Variants in CTBS observed in about 807,000 individuals in gnomAD.
CTBS encodes the protein chitobiase.
CTBS carries 35 observed loss-of-function variants against 44.3 expected under a neutral mutation model. The observed-to-expected ratio is 0.79, with a 90% CI of 0.60 to 1.05. The LOEUF (loss-of-function observed/expected upper bound fraction) is 1.05. Among genes scored for constraint, CTBS ranks in the 50% least tolerant of loss-of-function variants. The probability of loss-of-function intolerance (pLI) is 0.00; values close to 1 mark genes in which losing one functional copy is unlikely to be tolerated. For synonymous variants in CTBS, 143 were observed against 168.0 expected, an observed-to-expected ratio of 0.85 and a Z score of 1.15; for missense variants, 458 against 475.3, an observed-to-expected ratio of 0.96 and a Z score of 0.34.
intron 6 of CTBS, among the ~76,000 whole-genome samples, chr1:84,560,888 G>T (rs997501567): frequency 1.1e-4 from 16 of 152,268 alleles, no homozygotes; most frequent in African/African-American, 3.6e-4. Flanking sequence ...AAAAAAAAGA[G>T]ATTTCTTTCA....
chr1:84,574,351 AG>A lies in CTBS; in HGVS notation c.64del (p.Leu22Ter). ...CAGCGCCAGCAGCGCCAGCAGCGCT[AG>A]ACCCGGGACGCCGCTCGGCGGGCTA... ...VSSPPSGVPG[L>X]ALLALLALLA... On this transcript the variant is annotated frameshift_variant, in exon 1 of 7. Coordinates refer to ENST00000370630, the MANE Select transcript of CTBS (RefSeq NM_004388.3). LOFTEE classifies it high-confidence loss of function. 1 of 1,553,984 alleles carries A rather than the reference AG, an allele frequency of 6.4e-7. No homozygotes were observed. The highest frequency in any genetic ancestry group is 8.7e-7 in the Non-Finnish European group (1 of 1,148,556).
chr1:84,554,445 A>G lies in CTBS; in HGVS notation c.*554T>C, dbSNP rs1051920751. On this transcript the variant is annotated 3_prime_UTR_variant, in exon 7 of 7. Transcript: ENST00000370630. ...ACTCACTGTCCAAAGATTTAGTTCA[A>G]GTACCTCAGAGAACATAAATACTAT... is the stretch of plus-strand genomic sequence containing the variant. The G allele has an allele frequency of 6.6e-6, 1 of 152,308 alleles. No homozygotes were observed. The highest frequency in any genetic ancestry group is 1.5e-5 in the Non-Finnish European group (1 of 68,126). The allele number at this position is 152,308 out of a possible 1,614,324, so 9.4% of individuals were successfully genotyped here. A position where few individuals can be genotyped will look rare whatever the true frequency, so the allele number is the denominator to read the frequency against.
At chr1:84,555,294 G>A (rs763240764) in intron 6 of CTBS, 95 bp from the exon 7 acceptor site, 312 of 964,752 alleles carry the variant, frequency 3.2e-4, no homozygotes, top group Non-Finnish European at 4.2e-4. Flanking sequence ...AGTACAGTAA[G>A]AGGGAAAAAA....
At chr1:84,559,127 CTA>C (rs1206258487) in intron 6 of CTBS, among the ~76,000 whole-genome samples, 1 of 152,164 alleles carries the variant, frequency 6.6e-6, no homozygotes, top group African/African-American at 2.4e-5. Flanking sequence ...TATGGCAACT[CTA>C]TTGAACAAGT....
At position 84,550,676 on chromosome 1, in the gene CTBS, T is replaced by C. The variant is rs1337258332; in HGVS notation, c.*4323A>G. ...TTACCTTAACAGTAAAGAGCATAGG[T>C]GAAAAAAAAAATGCAGGAAGAAAAA... On this transcript the variant is annotated 3_prime_UTR_variant, in exon 7 of 7. Coordinates refer to ENST00000370630, the MANE Select transcript of CTBS (RefSeq NM_004388.3). 2 of 1,203,006 alleles carry C rather than the reference T, an allele frequency of 1.7e-6. No individual in the cohort carries two copies. The highest frequency in any genetic ancestry group is 2.1e-6 in the Non-Finnish European group (2 of 960,248). 74.5% of individuals were successfully genotyped at this position (1,203,006 alleles called of 1,614,324 possible). A position where few individuals can be genotyped will look rare whatever the true frequency, so the allele number is the denominator to read the frequency against.
At chr1:84,562,302 C>T (rs116201722) in intron 6 of CTBS, among the ~76,000 whole-genome samples, 1 of 152,170 alleles carries the variant, frequency 6.6e-6, no homozygotes, top group Non-Finnish European at 1.5e-5. Context: ...AATATAAACA[C>T]TGTTTAGGAA....
chr1:84,569,807 G>A (rs1647244191), intron 3 of CTBS, 124 bp downstream of exon 3: 1 of 926,104 alleles, frequency 1.1e-6, no homozygotes, highest in East Asian at 2.7e-5. Context: ...AATTTTTTAG[G>A]AAATAAGTGC....
At chr1:84,569,582 C>A (rs1251193121) in intron 3 of CTBS, among the ~76,000 whole-genome samples, 2 of 152,148 alleles carry the variant, frequency 1.3e-5, no homozygotes, top group Non-Finnish European at 2.9e-5. Flanking sequence ...GATACACTTC[C>A]CCAGAACTAC....
rs1161974604 is a variant in CTBS, at chr1:84,552,168, T to C, written c.*2831A>G. 2 of 152,186 alleles carry C rather than the reference T, an allele frequency of 1.3e-5. No individual in the cohort carries two copies. Among genetic ancestry groups the C allele is most frequent in the Non-Finnish European group, 2.9e-5 (2 of 68,030 alleles). 9.4% of individuals were successfully genotyped at this position (152,186 alleles called of 1,614,324 possible). Reference sequence around the variant, plus strand: ...ATGATCTCCCCAAAACAGCACTACCTATAAGATTCAGAACTAAGGGACAAA... The same window carrying C: ...ATGATCTCCCCAAAACAGCACTACCCATAAGATTCAGAACTAAGGGACAAA... On this transcript the variant is annotated 3_prime_UTR_variant, in exon 7 of 7. Coordinates refer to ENST00000370630, the MANE Select transcript of CTBS (RefSeq NM_004388.3).
At position 84,551,135 on chromosome 1, in the gene CTBS, A is replaced by G. The variant is rs1684258448; in HGVS notation, c.*3864T>C. Reference sequence around the variant, plus strand: ...ATCATAGAAATTATCTGTGAAGTACATATGTATTAAAAAGCTTTTTTGTTG... The same window carrying G: ...ATCATAGAAATTATCTGTGAAGTACGTATGTATTAAAAAGCTTTTTTGTTG... On this transcript the variant is annotated 3_prime_UTR_variant, in exon 7 of 7. Transcript: ENST00000370630. The G allele has an allele frequency of 2.0e-6, 2 of 985,164 alleles. No individual in the cohort carries two copies. Among genetic ancestry groups the G allele is most frequent in the Non-Finnish European group, 2.4e-6 (2 of 829,764 alleles). The allele number at this position is 985,164 out of a possible 1,614,324, so 61.0% of individuals were successfully genotyped here.
Position 84,574,432 on chromosome 1 carries a change from G to A in CTBS, c.-17C>T, listed in dbSNP as rs1466905947. 6.6e-7 allele frequency: 1 copy of A among 1,511,412 alleles called. No individual in the cohort carries two copies. Among genetic ancestry groups the A allele is most frequent in the East Asian group, 2.5e-5 (1 of 39,742 alleles). 93.6% of individuals were successfully genotyped at this position (1,511,412 alleles called of 1,614,324 possible). On this transcript the variant is annotated 5_prime_UTR_variant, in exon 1 of 7. Coordinates refer to ENST00000370630, the MANE Select transcript of CTBS (RefSeq NM_004388.3). ...CCGGGACATAGCAGCAGGTCTAGCG[G>A]GCCGGAGTGGGTTCCTACCGCCTGG...
At position 84,552,772 on chromosome 1, in the gene CTBS, T is replaced by C. The variant is rs1299550275; in HGVS notation, c.*2227A>G. ...TAAAATTCTTTCTCACTCTAGTTTT[T>C]AGAACAGTTCAATTGTATTGTCCCT... On this transcript the variant is annotated 3_prime_UTR_variant, in exon 7 of 7. Transcript: ENST00000370630. 2 of 262,070 alleles carry C rather than the reference T, an allele frequency of 7.6e-6. No homozygotes were observed. Among genetic ancestry groups the C allele is most frequent in the East Asian group, 1.4e-4 (2 of 14,708 alleles). The allele number at this position is 262,070 out of a possible 1,614,324, so 16.2% of individuals were successfully genotyped here. A position where few individuals can be genotyped will look rare whatever the true frequency, so the allele number is the denominator to read the frequency against.
chr1:84,563,570 T>C (rs1684633966), intron 5 of CTBS, 152 bp from the exon 6 acceptor site: 7 of 672,482 alleles, frequency 1.0e-5, no homozygotes, highest in Middle Eastern at 4.5e-4. Context: ...CATTATTAAA[T>C]GAAAATGTAT....
At chr1:84,568,067 C>G (rs989309150) in intron 3 of CTBS, among the ~76,000 whole-genome samples, 1 of 152,170 alleles carries the variant, frequency 6.6e-6, no homozygotes, top group Non-Finnish European at 1.5e-5. Flanking sequence ...CTTCCACAAT[C>G]TGGCCTACCT....
At position 84,554,886 on chromosome 1, in the gene CTBS, T is replaced by C. The variant is rs1037932172; in HGVS notation, c.*113A>G. 7 of 774,352 alleles carry C rather than the reference T, an allele frequency of 9.0e-6. No individual in the cohort carries two copies. Among genetic ancestry groups the C allele is most frequent in the Admixed American group, 8.6e-5 (3 of 34,992 alleles). 48.0% of individuals were successfully genotyped at this position (774,352 alleles called of 1,614,324 possible). On this transcript the variant is annotated 3_prime_UTR_variant, in exon 7 of 7. Transcript: ENST00000370630. ...AACAATCAAAACATTTATTTATTCT[T>C]TTTTTTTAGTATACGGATAACAAAA... is the stretch of plus-strand genomic sequence containing the variant.
At chr1:84,564,676 G>T (rs2911584) in intron 4 of CTBS, among the ~76,000 whole-genome samples, 150,390 of 152,262 alleles carry the variant, frequency 0.99, 74,300 homozygotes, top group East Asian at 1. Flanking sequence ...ATAATGTCTT[G>T]CCTGAAACAC....
At chr1:84,571,962 A>G (rs1422730501) in intron 1 of CTBS, among the ~76,000 whole-genome samples, 3 of 152,228 alleles carry the variant, frequency 2.0e-5, no homozygotes, top group Admixed American at 1.3e-4. Context: ...GAAAAAGGTC[A>G]ATGTAGGTAG....
intron 6 of CTBS, among the ~76,000 whole-genome samples, chr1:84,562,823 A>G (rs946574981): frequency 3.3e-5 from 5 of 152,192 alleles, no homozygotes; most frequent in African/African-American, 1.2e-4. Flanking sequence ...AAAGTCGATT[A>G]TGACACCTCT....
chr1:84,566,340 G>C (rs931655306), intron 3 of CTBS: 8 of 156,520 alleles, frequency 5.1e-5, no homozygotes, highest in Middle Eastern at 3.1e-3. Flanking sequence ...TGACAACAGG[G>C]TATGGTGATG....
Sources: allele counts gnomAD v4.1 joint callset (sites outside exome capture counted in the v4.1 genomes callset), GRCh38; gene constraint gnomAD v4.1.1; transcripts MANE v1.5; gene names NCBI Gene and HGNC (gene_info 2026-07-23, HGNC 2026-07-21).